ST8SIA4: variants seen among roughly 807,000 people sequenced by gnomAD.
The protein encoded by ST8SIA4 is CMP-N-acetylneuraminate-poly-alpha-2,8-sialyltransferase.
A neutral mutation model predicts 33.9 loss-of-function variants in ST8SIA4; 15 were observed. The ratio of observed to expected loss-of-function variants is 0.44; its 90% CI spans 0.30 to 0.68. The LOEUF (loss-of-function observed/expected upper bound fraction) is 0.68, where lower values mean the gene tolerates loss of function less well. Ranked by LOEUF, ST8SIA4 falls within the 30% of genes least tolerant of loss-of-function variation. The pLI, the probability that ST8SIA4 is intolerant of heterozygous loss-of-function variation, is 0.10. For synonymous variants in ST8SIA4, 171 were observed against 151.2 expected (o/e 1.13, Z -0.96); for missense variants, 321 against 428.0 (o/e 0.75, Z 2.21).
chr5:100,841,574 C>T (rs997056346), intron 4 of ST8SIA4, among the ~76,000 whole-genome samples: 2 of 151,826 alleles, frequency 1.3e-5, no homozygotes, highest in African/African-American at 4.8e-5. Flanking sequence ...CTTGGGCCCC[C>T]TCCCATCCTG....
intron 3 of ST8SIA4, among the ~76,000 whole-genome samples, chr5:100,858,813 C>G (rs3846627): frequency 0.23 from 35,307 of 151,994 alleles, 5,145 homozygotes; most frequent in Non-Finnish European, 0.32. Context: ...AATCCACATG[C>G]AGAGTCTTGA....
chr5:100,851,119 CT>C (rs1751689154), intron 4 of ST8SIA4, among the ~76,000 whole-genome samples: 1 of 151,496 alleles, frequency 6.6e-6, no homozygotes, highest in Non-Finnish European at 1.5e-5. Context: ...GCCACCATGC[CT>C]GGCTAATTTT....
At chr5:100,877,679 A>T (rs1398741846) in intron 3 of ST8SIA4, among the ~76,000 whole-genome samples, 1 of 152,208 alleles carries the variant, frequency 6.6e-6, no homozygotes, top group Non-Finnish European at 1.5e-5. Flanking sequence ...TATCATCCTA[A>T]GGGAAAACGT....
At chr5:100,854,634 T>C (rs1304098881) in intron 4 of ST8SIA4, among the ~76,000 whole-genome samples, 5 of 151,958 alleles carry the variant, frequency 3.3e-5, no homozygotes, top group African/African-American at 1.2e-4. Flanking sequence ...AAGAATGTAA[T>C]TTAATTGTGT....
intron 3 of ST8SIA4, among the ~76,000 whole-genome samples, chr5:100,865,523 T>C (rs1412952366): frequency 6.6e-6 from 1 of 152,210 alleles, no homozygotes; most frequent in Non-Finnish European, 1.5e-5. Flanking sequence ...CTCTAACTCC[T>C]ACCTGAGTTT....
intron 3 of ST8SIA4, chr5:100,885,279 AC>A: frequency 1.3e-6 from 1 of 791,382 alleles, no homozygotes; most frequent in Non-Finnish European, 1.5e-6. Context: ...TTAATCTCTG[AC>A]CCTTCACCCA....
At chr5:100,840,541 G>T (rs1338406031) in intron 4 of ST8SIA4, among the ~76,000 whole-genome samples, 2 of 151,616 alleles carry the variant, frequency 1.3e-5, no homozygotes, top group African/African-American at 2.4e-5. Flanking sequence ...ATATGAAAAG[G>T]GTCAGAACAT....
At chr5:100,837,705 C>T (rs966249208) in intron 4 of ST8SIA4, among the ~76,000 whole-genome samples, 3 of 151,792 alleles carry the variant, frequency 2.0e-5, no homozygotes, top group African/African-American at 7.3e-5. Flanking sequence ...GCTATAAATC[C>T]ACTTTGTTTT....
At chr5:100,892,738 G>T (rs1752700862) in intron 2 of ST8SIA4, among the ~76,000 whole-genome samples, 1 of 152,020 alleles carries the variant, frequency 6.6e-6, no homozygotes, top group South Asian at 2.1e-4. Flanking sequence ...TAAAAAAATG[G>T]TTGGAAATAA....
At chr5:100,813,358 G>A (rs1750851701) in intron 4 of ST8SIA4, among the ~76,000 whole-genome samples, 1 of 151,940 alleles carries the variant, frequency 6.6e-6, no homozygotes, top group African/African-American at 2.4e-5. Context: ...TCCCTTCTCT[G>A]AATCAGGATT....
At chr5:100,850,719 T>C (rs1383889172) in intron 4 of ST8SIA4, among the ~76,000 whole-genome samples, 1 of 151,864 alleles carries the variant, frequency 6.6e-6, no homozygotes, top group Admixed American at 6.6e-5. Context: ...CCTCTGTGTT[T>C]ATTAAAATTC....
intron 3 of ST8SIA4, among the ~76,000 whole-genome samples, chr5:100,857,583 C>T (rs1047665212): frequency 1.3e-5 from 2 of 151,754 alleles, no homozygotes; most frequent in African/African-American, 4.8e-5. Context: ...TTTTCTTTTT[C>T]TGCATTTTTG....
chr5:100,903,034 G>T lies in ST8SIA4; in HGVS notation c.-79C>A. 1.0e-6 allele frequency: 1 copy of T among 1,003,260 alleles called. No individual in the cohort carries two copies. Among genetic ancestry groups the T allele is most frequent in the Non-Finnish European group, 1.6e-6 (1 of 638,626 alleles). 62.1% of individuals were successfully genotyped at this position (1,003,260 alleles called of 1,614,324 possible). A position where few individuals can be genotyped will look rare whatever the true frequency, so the allele number is the denominator to read the frequency against. ...ATAAAGGCTCCGTTTTGGGGAGATA[G>T]TCGCGGGGGTGAAATCTGTAAAATG... On this transcript the variant is annotated 5_prime_UTR_variant, in exon 1 of 5. Transcript: ENST00000231461.
intron 2 of ST8SIA4, among the ~76,000 whole-genome samples, chr5:100,887,509 C>T (rs1297296668): frequency 1.3e-5 from 2 of 151,892 alleles, no homozygotes; most frequent in African/African-American, 4.8e-5. Flanking sequence ...CTTTTTTGGT[C>T]AATACTTAGC....
intron 3 of ST8SIA4, among the ~76,000 whole-genome samples, chr5:100,875,357 T>G (rs1376981569): frequency 6.6e-6 from 1 of 152,184 alleles, no homozygotes; most frequent in African/African-American, 2.4e-5. Context: ...TTCTTAAAAT[T>G]TATTATGTGT....
intron 4 of ST8SIA4, among the ~76,000 whole-genome samples, chr5:100,851,555 TA>T (rs1426815837): frequency 1.1e-4 from 17 of 152,210 alleles, no homozygotes; most frequent in Non-Finnish European, 4.4e-5. Context: ...CATGTTAATT[TA>T]AAAAATAAAG....
intron 2 of ST8SIA4, among the ~76,000 whole-genome samples, chr5:100,892,098 T>C (rs1464273862): frequency 6.6e-6 from 1 of 152,128 alleles, no homozygotes; most frequent in Non-Finnish European, 1.5e-5. Flanking sequence ...TCCTGATGTG[T>C]ACATTTGTAC....
At chr5:100,848,949 T>C (rs895337175) in intron 4 of ST8SIA4, 19 of 174,702 alleles carry the variant, frequency 1.1e-4, no homozygotes, top group Non-Finnish European at 1.9e-4. Context: ...ATTTCTTATA[T>C]ATATTTCTTC....
At chr5:100,857,386 T>C (rs1353741001) in intron 3 of ST8SIA4, among the ~76,000 whole-genome samples, 1 of 151,910 alleles carries the variant, frequency 6.6e-6, no homozygotes, top group East Asian at 1.9e-4. Context: ...CTTCATTTTT[T>C]TTTTTAAAAA....
Sources: allele counts gnomAD v4.1 joint callset (sites outside exome capture counted in the v4.1 genomes callset), GRCh38; gene constraint gnomAD v4.1.1; transcripts MANE v1.5; gene names NCBI Gene and HGNC (gene_info 2026-07-23, HGNC 2026-07-21).